ZNF518A: variants seen among roughly 807,000 people sequenced by gnomAD.
The protein encoded by ZNF518A is zinc finger protein 518A, also known as zinc finger protein 518.
In ZNF518A, 47 loss-of-function variants were observed where a neutral mutation model predicts 102.7. That is an observed-to-expected ratio of 0.46 (90% confidence interval 0.36 to 0.58). ZNF518A has a LOEUF of 0.58. Among genes scored for constraint, ZNF518A ranks in the 20% least tolerant of loss-of-function variants. The pLI is 0.00. For synonymous variants in ZNF518A, 652 were observed against 594.6 expected (o/e 1.10, Z -1.40); for missense variants, 1,793 against 1,699.8 (o/e 1.05, Z -0.96).
intron 1 of ZNF518A, among the ~76,000 whole-genome samples, chr10:96,194,752 C>A (rs587658584): frequency 2.0e-5 from 3 of 146,868 alleles, no homozygotes; most frequent in Non-Finnish European, 3.0e-5. Context: ...CATCACTAAT[C>A]ATCAGAGAAA....
intron 3 of ZNF518A, among the ~76,000 whole-genome samples, chr10:96,140,096 G>T (rs1303203035): frequency 1.3e-5 from 2 of 152,102 alleles, no homozygotes; most frequent in African/African-American, 4.8e-5. Flanking sequence ...GACCTCAGGT[G>T]ATCCACCTGC....
In ZNF518A at chr10:96,156,808, T is replaced by C; in HGVS notation, c.486T>C (p.Phe162=). 6.2e-7 allele frequency: 1 copy of C among 1,613,902 alleles called. No homozygotes were observed. The highest frequency in any genetic ancestry group is 8.5e-7 in the Non-Finnish European group (1 of 1,179,820). ...CEMCNFSAND[F]QVFKQHRRTH... is the part of the protein sequence containing the mutation. Reference sequence around the variant, plus strand: ...TGTGCAACTTTTCAGCAAATGACTTTCAGGTATTTAAACAACACAGACGAA... The same window carrying C: ...TGTGCAACTTTTCAGCAAATGACTTCCAGGTATTTAAACAACACAGACGAA... Residue 162 remains phenylalanine, a synonymous_variant, in exon 6 of 6, where the codon TTT becomes TTC. Coordinates refer to ENST00000316045, the MANE Select transcript of ZNF518A (RefSeq NM_001330736.2).
chr10:96,131,942 G>A (rs1415671349), intron 1 of ZNF518A, among the ~76,000 whole-genome samples: 2 of 151,046 alleles, frequency 1.3e-5, no homozygotes, highest in Admixed American at 1.3e-4. Flanking sequence ...TTACTTTTCT[G>A]TTTATAGTTG....
chr10:96,152,027 C>T (rs2082472618), intron 3 of ZNF518A, among the ~76,000 whole-genome samples: 1 of 152,150 alleles, frequency 6.6e-6, no homozygotes, highest in African/African-American at 2.4e-5. Context: ...AACCAGTAAT[C>T]TGGGCTGGAC....
Position 96,160,276 on chromosome 10 carries a change from G to T in ZNF518A, c.3954G>T (p.Arg1318Ser). ...AAACATTTGGATTTAGCAGACCTAG[G>T]CTTTCAAAAGATTCCATCAGAACTT... is the stretch of plus-strand genomic sequence containing the variant. ...VRETFGFSRP[R>S]LSKDSIRTLR... is the part of the protein sequence containing the mutation. Residue 1318 changes from arginine (R) to serine (S), a missense_variant, in exon 6 of 6, where the codon AGG (arginine) becomes AGT (serine). Arg to Ser is a moderately radical substitution (Grantham distance 110). Transcript: ENST00000316045. The T allele has an allele frequency of 1.9e-6, 3 of 1,613,564 alleles. No homozygotes were observed. The highest frequency in any genetic ancestry group is 2.5e-6 in the Non-Finnish European group (3 of 1,179,688).
intron 3 of ZNF518A, among the ~76,000 whole-genome samples, chr10:96,137,381 C>T (rs1554874915): frequency 2.0e-5 from 3 of 152,182 alleles, no homozygotes; most frequent in Non-Finnish European, 2.9e-5. Flanking sequence ...TATCTTAAAA[C>T]TCCTTGAAAG....
At chr10:96,134,540 C>G (rs1447008225) in intron 3 of ZNF518A, among the ~76,000 whole-genome samples, 1 of 152,152 alleles carries the variant, frequency 6.6e-6, no homozygotes. Flanking sequence ...GGCCTACTTC[C>G]AAGCATTTTG....
chr10:96,196,426 T>G (rs2083467703), intron 1 of ZNF518A, among the ~76,000 whole-genome samples: 1 of 152,218 alleles, frequency 6.6e-6, no homozygotes, highest in African/African-American at 2.4e-5. Context: ...TGATTTTTTT[T>G]TCTTGCTCCA....
downstream of ZNF518A, among the ~76,000 whole-genome samples, chr10:96,167,901 C>G (rs1365760429): frequency 6.6e-6 from 1 of 152,148 alleles, no homozygotes. Context: ...TAAAAGACAG[C>G]GTTTTTATTA....
At chr10:96,202,371 G>A (rs1333972166) in intron 1 of ZNF518A, among the ~76,000 whole-genome samples, 1 of 152,198 alleles carries the variant, frequency 6.6e-6, no homozygotes, top group Non-Finnish European at 1.5e-5. Flanking sequence ...GACTTGGACA[G>A]ATCACAGCAG....
chr10:96,147,084 G>C (rs2082205538), intron 3 of ZNF518A, among the ~76,000 whole-genome samples: 1 of 152,206 alleles, frequency 6.6e-6, no homozygotes, highest in African/African-American at 2.4e-5. Flanking sequence ...ATGTCTGAGA[G>C]AGGCTACTCT....
At chr10:96,135,910 A>G (rs757268502) in intron 3 of ZNF518A, among the ~76,000 whole-genome samples, 2 of 152,210 alleles carry the variant, frequency 1.3e-5, no homozygotes, top group African/African-American at 2.4e-5. Context: ...GATTTCCTGA[A>G]GAATATACAA....
chr10:96,180,972 G>T (rs1271821734), intron 1 of ZNF518A, among the ~76,000 whole-genome samples: 1 of 152,208 alleles, frequency 6.6e-6, no homozygotes, highest in Admixed American at 6.5e-5. Flanking sequence ...CAGTGTAAAA[G>T]TGTTCCTATT....
chr10:96,171,884 C>CA (rs371873012), intron 1 of ZNF518A, among the ~76,000 whole-genome samples: 33 of 146,184 alleles, frequency 2.3e-4, no homozygotes, highest in Admixed American at 4.1e-4. Context: ...TGTTGAAAGA[C>CA]AAAAAAAAAA....
At chr10:96,182,312 AC>A (rs1266365886) in intron 1 of ZNF518A, among the ~76,000 whole-genome samples, 1 of 152,106 alleles carries the variant, frequency 6.6e-6, no homozygotes, top group Non-Finnish European at 1.5e-5. Context: ...CTAATTGAAT[AC>A]CCTTTATTTC....
upstream of ZNF518A, chr10:96,129,885 G>C (rs79162768): frequency 6.6e-6 from 1 of 152,396 alleles, no homozygotes; most frequent in Non-Finnish European, 1.5e-5. Context: ...GTGGGCGCCG[G>C]GGCCGCGCGC....
chr10:96,160,485 T>G lies in ZNF518A; in HGVS notation c.4163T>G (p.Leu1388Arg). 2 of 1,613,280 alleles carry G rather than the reference T, an allele frequency of 1.2e-6. No homozygotes were observed. The highest frequency in any genetic ancestry group is 1.1e-5 in the South Asian group (1 of 91,002). The stretch of plus-strand genomic sequence containing the variant: ...TCAAAAAGAACTATAAATGCTTTAC[T>G]GAAACCAGTTTGTTATAACCCTCCT... ...SLSKRTINAL[L>R]KPVCYNPPKT... Residue 1388 changes from leucine (L) to arginine (R), a missense_variant, in exon 6 of 6, where the codon CTG becomes CGG. Physicochemically the swap from Leu to Arg is moderately radical, Grantham distance 102. Around this residue, in one of 3 missense-constraint regions of ZNF518A, gnomAD observed 1,741 missense variants for 1,622.6 expected, o/e 1.07. Coordinates refer to ENST00000316045, the MANE Select transcript of ZNF518A (RefSeq NM_001330736.2).
At chr10:96,134,196 TCTGAAAC>T (rs1329979011) in intron 3 of ZNF518A, among the ~76,000 whole-genome samples, 1 of 152,174 alleles carries the variant, frequency 6.6e-6, no homozygotes, top group African/African-American at 2.4e-5. Context: ...AAATCTGAAA[TCTGAAAC>T]ACTTCTGGTT....
chr10:96,142,804 TC>T (rs2081998957), intron 3 of ZNF518A, among the ~76,000 whole-genome samples: 1 of 151,584 alleles, frequency 6.6e-6, no homozygotes, highest in Non-Finnish European at 1.5e-5. Context: ...ATGTGTGATT[TC>T]TTTTTTTTTT....
Sources: gnomAD v4.1 joint callset for allele counts (sites outside exome capture counted in the v4.1 genomes callset) on GRCh38, gnomAD v4.1.1 for gene constraint, gnomAD v4.1.1 regional missense constraint, MANE v1.5 for transcripts, NCBI Gene and HGNC (gene_info 2026-07-23, HGNC 2026-07-21) for gene names.